The following IKZF2 variants were observed in gnomAD, a reference collection of about 807,000 sequenced individuals.
The protein encoded by IKZF2 is IKAROS family zinc finger 2.
In IKZF2, 15 loss-of-function variants were observed where a neutral mutation model predicts 49.2. That is an observed-to-expected ratio of 0.30 (90% CI 0.20 to 0.47). The LOEUF is 0.47. Among genes scored for constraint, IKZF2 ranks in the 20% least tolerant of loss-of-function variants. IKZF2 has a pLI of 1.00. For missense variants in IKZF2, 567 were observed against 664.6 expected, an observed-to-expected ratio of 0.85 and a Z score of 1.61; for synonymous variants, 227 against 221.4, an observed-to-expected ratio of 1.03 and a Z score of -0.23.
chr2:213,124,954 C>T (rs951210284), intron 4 of IKZF2, among the ~76,000 whole-genome samples: 1 of 152,120 alleles, frequency 6.6e-6, no homozygotes, highest in East Asian at 1.9e-4. Flanking sequence ...ATTTTTCTTT[C>T]TGTATTCTTT....
upstream of IKZF2, among the ~76,000 whole-genome samples, chr2:213,151,795 T>TGCGC (rs958919466): frequency 1.4e-5 from 2 of 147,166 alleles, no homozygotes; most frequent in East Asian, 2.0e-4. Flanking sequence ...CGGACGTGCG[T>TGCGC]GCGCGCGCGT....
intron 6 of IKZF2, among the ~76,000 whole-genome samples, chr2:213,034,141 A>G (rs1390396786): frequency 6.6e-6 from 1 of 152,222 alleles, no homozygotes; most frequent in Non-Finnish European, 1.5e-5. Context: ...CGTGGCCTTC[A>G]GAAAATTGAA....
At chr2:213,076,471 A>G (rs1703273992) in intron 4 of IKZF2, among the ~76,000 whole-genome samples, 1 of 152,234 alleles carries the variant, frequency 6.6e-6, no homozygotes, top group South Asian at 2.1e-4. Context: ...TTATACTGAT[A>G]TAACATCTAT....
In IKZF2 at chr2:213,007,480, G is replaced by A. The variant is rs766048611; in HGVS notation, c.1461C>T (p.Thr487=). 3 of 1,613,540 alleles carry A rather than the reference G, an allele frequency of 1.9e-6. No individual in the cohort carries two copies. Among genetic ancestry groups the A allele is most frequent in the African/African-American group, 1.3e-5 (1 of 74,868 alleles). Residue 487 remains threonine (T), a synonymous_variant, in exon 9 of 9, where the codon ACC becomes ACT. Transcript: ENST00000434687. ...GGTAGCCATGGCAACCCATGTGAAT[G>A]GTGTACATGACATGGTCTAGGAAAA... ...RVLFLDHVMY[T]IHMGCHGYRD...
At chr2:213,137,033 C>G (rs1297442295) in intron 4 of IKZF2, among the ~76,000 whole-genome samples, 1 of 152,026 alleles carries the variant, frequency 6.6e-6, no homozygotes, top group Non-Finnish European at 1.5e-5. Context: ...ATCCCCAAAA[C>G]TTTATGCAAA....
intron 7 of IKZF2, chr2:213,014,330 G>C (rs1696329395): frequency 6.4e-6 from 1 of 155,136 alleles, no homozygotes; most frequent in South Asian, 2.0e-4. Flanking sequence ...CAACTTGTTT[G>C]AGAGAAAAGC....
intron 7 of IKZF2, among the ~76,000 whole-genome samples, chr2:213,018,041 T>C (rs1696802845): frequency 6.6e-6 from 1 of 152,264 alleles, no homozygotes; most frequent in Middle Eastern, 3.4e-3. Flanking sequence ...TCCTAAACAA[T>C]TCAAAGCATA....
At chr2:213,110,668 T>C (rs757539816) in intron 4 of IKZF2, among the ~76,000 whole-genome samples, 2 of 152,132 alleles carry the variant, frequency 1.3e-5, no homozygotes, top group South Asian at 2.1e-4. Flanking sequence ...TATTATAAGA[T>C]AAATTTGTAG....
intron 7 of IKZF2, among the ~76,000 whole-genome samples, chr2:213,019,895 G>A (rs894081010): frequency 9.9e-5 from 15 of 152,062 alleles, no homozygotes; most frequent in African/African-American, 2.9e-4. Flanking sequence ...TAAATTTTTC[G>A]TTAGCATTTG....
At chr2:213,083,807 C>T (rs1409324355) in intron 4 of IKZF2, among the ~76,000 whole-genome samples, 1 of 151,094 alleles carries the variant, frequency 6.6e-6, no homozygotes, top group Non-Finnish European at 1.5e-5. Context: ...CCATCACCCC[C>T]AGACTATCTG....
At chr2:213,124,289 C>CAT (rs1231049682) in intron 4 of IKZF2, among the ~76,000 whole-genome samples, 132 of 146,306 alleles carry the variant, frequency 9.0e-4, no homozygotes, top group African/African-American at 3.1e-3. Flanking sequence ...CACACACACA[C>CAT]ACACACACAG....
intron 1 of IKZF2, among the ~76,000 whole-genome samples, chr2:213,150,709 G>C (rs1261238246): frequency 7.5e-6 from 1 of 134,046 alleles, no homozygotes; most frequent in Non-Finnish European, 1.6e-5. Context: ...AAAAGGGGGG[G>C]GGGGCGGGTA....
intron 6 of IKZF2, among the ~76,000 whole-genome samples, chr2:213,043,275 G>GT (rs1330323449): frequency 1.3e-5 from 2 of 152,030 alleles, no homozygotes; most frequent in African/African-American, 2.4e-5. Context: ...TTCTTAAACT[G>GT]TAACATCTAT....
intron 4 of IKZF2, among the ~76,000 whole-genome samples, chr2:213,136,463 T>C (rs969058817): frequency 1.3e-5 from 2 of 150,750 alleles, no homozygotes; most frequent in South Asian, 4.2e-4. Context: ...ACTAAATCTA[T>C]AGTAAAATAG....
intron 5 of IKZF2, among the ~76,000 whole-genome samples, chr2:213,055,274 G>A (rs1481964101): frequency 1.3e-5 from 2 of 151,962 alleles, no homozygotes; most frequent in South Asian, 2.1e-4. Flanking sequence ...TAGAACTGTC[G>A]TTAGAATTAG....
chr2:213,054,588 A>G (rs1700971024), intron 5 of IKZF2, among the ~76,000 whole-genome samples: 1 of 152,222 alleles, frequency 6.6e-6, no homozygotes, highest in South Asian at 2.1e-4. Flanking sequence ...TAATGATATC[A>G]TGTCCACAAT....
chr2:213,136,385 A>AAG (rs1553602756), intron 4 of IKZF2, among the ~76,000 whole-genome samples: 6 of 111,154 alleles, frequency 5.4e-5, no homozygotes, highest in Admixed American at 2.4e-4. Flanking sequence ...AAAAAAAAAA[A>AAG]AAAAAAGAAA....
chr2:213,080,514 GA>G (rs1703830151), intron 4 of IKZF2, among the ~76,000 whole-genome samples: 1 of 152,092 alleles, frequency 6.6e-6, no homozygotes, highest in Admixed American at 6.5e-5. Context: ...GAAAATGGTT[GA>G]AATAGAAAAT....
chr2:213,111,832 T>C (rs1377277093), intron 4 of IKZF2, among the ~76,000 whole-genome samples: 1 of 152,200 alleles, frequency 6.6e-6, no homozygotes, highest in Non-Finnish European at 1.5e-5. Context: ...ATTGTTCTCT[T>C]TAGTTTAATA....
Sources: allele counts gnomAD v4.1 joint callset (sites outside exome capture counted in the v4.1 genomes callset), GRCh38; gene constraint gnomAD v4.1.1; transcripts MANE v1.5; gene names NCBI Gene and HGNC (gene_info 2026-07-23, HGNC 2026-07-21).